The following RANBP17 variants were observed in gnomAD, a reference collection of about 807,000 sequenced individuals.
RANBP17 encodes RAN binding protein 17.
A neutral mutation model predicts 141.2 loss-of-function variants in RANBP17; 158 were observed. That is an observed-to-expected ratio of 1.12 (90% CI 0.98 to 1.28). The LOEUF (loss-of-function observed/expected upper bound fraction) is 1.28, where lower values mean the gene tolerates loss of function less well. RANBP17 is among the 50% of genes most tolerant of loss of function. RANBP17 has a pLI of 0.00. For synonymous variants in RANBP17, 430 were observed against 450.0 expected, an observed-to-expected ratio of 0.96 and a Z score of 0.56; for missense variants, 1,438 against 1,290.7, an observed-to-expected ratio of 1.11 and a Z score of -1.75.
intron 13 of RANBP17, among the ~76,000 whole-genome samples, chr5:170,956,011 T>G (rs1775663567): frequency 6.6e-6 from 1 of 151,444 alleles, no homozygotes; most frequent in African/African-American, 2.4e-5. Context: ...TTCTGATTAA[T>G]GAAAATATCC....
Position 170,918,783 on chromosome 5 carries a change from T to A in RANBP17, c.1025T>A (p.Leu342Gln), listed in dbSNP as rs537186338. Residue 342 changes from leucine to glutamine, a missense_variant, in exon 10 of 28, where the codon CTG becomes CAG. By Grantham distance (113) the Leu-to-Gln change is moderately radical. Transcript: ENST00000523189. The part of the protein sequence containing the change: ...FLARLKTNYQ[L>Q]GELVMVKEYP... ...GCTCGTTTAAAGACAAATTATCAGC[T>A]GGGAGAATTAGTTATGGTGAAGGAA... 1.2e-6 allele frequency: 2 copies of A among 1,607,522 alleles called. No individual in the cohort carries two copies. Among genetic ancestry groups the A allele is most frequent in the South Asian group, 2.2e-5 (2 of 90,502 alleles).
chr5:171,086,495 AT>A (rs1290824421), intron 14 of RANBP17, among the ~76,000 whole-genome samples: 1 of 138,332 alleles, frequency 7.2e-6, no homozygotes, highest in Non-Finnish European at 1.6e-5. Flanking sequence ...GTTAGGGAGG[AT>A]TCCCTCTTTT....
intron 14 of RANBP17, among the ~76,000 whole-genome samples, chr5:171,007,112 G>A (rs1425559445): frequency 6.6e-6 from 1 of 152,124 alleles, no homozygotes; most frequent in Non-Finnish European, 1.5e-5. Flanking sequence ...AAGGGTAGAA[G>A]TTAGGATGAC....
At position 170,918,836 on chromosome 5, in the gene RANBP17, A is replaced by G. The variant is rs1230076888; in HGVS notation, c.1078A>G (p.Asn360Asp). ...EYPEVIRLIA[N>D]FTITSLQHWE... is the part of the protein sequence containing the mutation. ...TCCTGAAGTTATTAGATTGATTGCT[A>G]ATTTTACCATTACTAGCCTACAGGT... is the stretch of plus-strand genomic sequence containing the variant. Residue 360 changes from asparagine to aspartate, a missense_variant, in exon 10 of 28, where the codon AAT becomes GAT. Coordinates refer to ENST00000523189, the MANE Select transcript of RANBP17 (RefSeq NM_022897.5). 9 of 1,582,758 alleles carry G rather than the reference A, an allele frequency of 5.7e-6. No homozygotes were observed. Among genetic ancestry groups the G allele is most frequent in the South Asian group, 2.3e-5 (2 of 86,726 alleles).
intron 14 of RANBP17, among the ~76,000 whole-genome samples, chr5:171,010,379 A>G (rs1779955543): frequency 6.6e-6 from 1 of 152,216 alleles, no homozygotes; most frequent in Non-Finnish European, 1.5e-5. Flanking sequence ...ATAGCTATCA[A>G]TATGTTCTAA....
At position 171,007,988 on chromosome 5, in the gene RANBP17, A is replaced by G. The variant is rs140042574; in HGVS notation, c.1710+39611A>G. Among the ~76,000 whole-genome samples the G allele has an allele frequency of 9.7e-3, 1,475 of 152,322 alleles. 63 individuals carry two copies. Among genetic ancestry groups the G allele is most frequent in the East Asian group, 0.081 (420 of 5,162 alleles). On this transcript the variant is annotated intron_variant, in intron 14 of 27. Transcript: ENST00000523189. ...AGCAGCCAAAGCAGGCATCCCTGCA[A>G]TTGACTTGCCACCAAGGGAATATGG...
chr5:171,159,183 A>G (rs1759116468), intron 14 of RANBP17, among the ~76,000 whole-genome samples: 2 of 152,212 alleles, frequency 1.3e-5, no homozygotes, highest in Admixed American at 6.5e-5. Flanking sequence ...CAACCAGATC[A>G]TCTTACTCTG....
At chr5:171,118,835 G>C (rs539778204) in intron 14 of RANBP17, among the ~76,000 whole-genome samples, 9 of 152,068 alleles carry the variant, frequency 5.9e-5, no homozygotes, top group Non-Finnish European at 1.3e-4. Context: ...AGAGTCTTTA[G>C]GTTTATCTGT....
At chr5:171,122,675 T>C (rs1189309522) in intron 14 of RANBP17, among the ~76,000 whole-genome samples, 2 of 152,250 alleles carry the variant, frequency 1.3e-5, no homozygotes, top group East Asian at 3.9e-4. Context: ...GCCATTGGAG[T>C]GCCCCTTGGC....
At chr5:171,167,114 G>C (rs1442646225) in intron 14 of RANBP17, among the ~76,000 whole-genome samples, 2 of 152,180 alleles carry the variant, frequency 1.3e-5, no homozygotes, top group East Asian at 3.8e-4. Context: ...TGTTTTTCTA[G>C]TATATTATTG....
rs116343203 is a variant in RANBP17, at chr5:170,983,978, A to G, written c.1710+15601A>G. ...TAAAGCTCTACATTGGAAGAAATCC[A>G]GATAGGTTAGTATAGCTAAGGCTTG... On this transcript the variant is annotated intron_variant, in intron 14 of 27. Transcript: ENST00000523189. Among the ~76,000 whole-genome samples, 1,053 of 152,316 alleles carry G rather than the reference A, an allele frequency of 6.9e-3. 10 individuals carry two copies. Among genetic ancestry groups the G allele is most frequent in the Non-Finnish European group, 0.012 (783 of 68,024 alleles).
chr5:170,966,128 G>GTAC (rs1371310851), intron 13 of RANBP17, among the ~76,000 whole-genome samples: 2 of 151,944 alleles, frequency 1.3e-5, no homozygotes, highest in African/African-American at 4.8e-5. Context: ...GGAGGAACTG[G>GTAC]TACCATTCCT....
chr5:170,998,921 A>G (rs903777810), intron 14 of RANBP17, among the ~76,000 whole-genome samples: 3 of 152,070 alleles, frequency 2.0e-5, no homozygotes, highest in Admixed American at 2.0e-4. Flanking sequence ...TATTTTGCTT[A>G]CGTGTTATTT....
chr5:170,898,286 G>A (rs144318722), intron 5 of RANBP17, among the ~76,000 whole-genome samples: 2,101 of 152,246 alleles, frequency 0.014, 50 homozygotes, highest in African/African-American at 0.049. Flanking sequence ...GACTAGTGAT[G>A]ATGAGCTTTT....
intron 25 of RANBP17, among the ~76,000 whole-genome samples, chr5:171,291,693 T>C (rs767883811): frequency 9.2e-5 from 14 of 152,174 alleles, no homozygotes; most frequent in Non-Finnish European, 1.5e-4. Context: ...TTTGCCCCCA[T>C]TGGTTGGCTG....
intron 4 of RANBP17, 56 bp from the exon 5 acceptor site, chr5:170,895,994 A>G: frequency 8.5e-6 from 9 of 1,061,600 alleles, no homozygotes; most frequent in Non-Finnish European, 1.1e-5. Flanking sequence ...TGGTATATAC[A>G]TTAAGAACCA....
intron 14 of RANBP17, among the ~76,000 whole-genome samples, chr5:171,146,425 T>C (rs1758032760): frequency 6.6e-6 from 1 of 152,224 alleles, no homozygotes; most frequent in African/African-American, 2.4e-5. Flanking sequence ...AATGCACTTT[T>C]CTTCATTTCA....
At chr5:171,112,023 ATGGC>A (rs1755268412) in intron 14 of RANBP17, among the ~76,000 whole-genome samples, 1 of 152,176 alleles carries the variant, frequency 6.6e-6, no homozygotes, top group Non-Finnish European at 1.5e-5. Context: ...AATAATATGT[ATGGC>A]TAGTTATTCT....
At chr5:170,955,106 GT>G (rs1775515626) in intron 13 of RANBP17, among the ~76,000 whole-genome samples, 1 of 151,982 alleles carries the variant, frequency 6.6e-6, no homozygotes, top group Admixed American at 6.5e-5. Context: ...TCCTGAGACC[GT>G]CACCCCACAC....
Sources: allele counts gnomAD v4.1 joint callset (sites outside exome capture counted in the v4.1 genomes callset), GRCh38; gene constraint gnomAD v4.1.1; transcripts MANE v1.5; gene names NCBI Gene and HGNC (gene_info 2026-07-23, HGNC 2026-07-21).